The following CNTRL variants were observed in gnomAD, a reference collection of about 807,000 sequenced individuals.
CNTRL encodes the protein 110 kDa centrosomal protein.
Under a neutral mutation model 303.7 loss-of-function variants are expected in CNTRL, and 233 were observed. The ratio of observed to expected loss-of-function variants is 0.77; its 90% CI spans 0.69 to 0.86. The LOEUF (loss-of-function observed/expected upper bound fraction) is 0.86, where lower values mean the gene tolerates loss of function less well. Ranked by LOEUF, CNTRL falls within the 40% of genes least tolerant of loss-of-function variation. The pLI is 0.00. For synonymous variants in CNTRL, 900 were observed against 922.2 expected (o/e 0.98, Z 0.44); for missense variants, 2,524 against 2,650.6 (o/e 0.95, Z 1.05).
intron 1 of CNTRL, among the ~76,000 whole-genome samples, chr9:121,076,617 A>G (rs1199087984): frequency 6.6e-6 from 1 of 152,144 alleles, no homozygotes; most frequent in Non-Finnish European, 1.5e-5. Context: ...AAAGAACCAT[A>G]GAGAAATGGG....
At chr9:121,090,631 C>T (rs1041505569) in intron 4 of CNTRL, among the ~76,000 whole-genome samples, 1 of 152,204 alleles carries the variant, frequency 6.6e-6, no homozygotes, top group Non-Finnish European at 1.5e-5. Context: ...CAAAGTACAG[C>T]TTACAGGCCA....
chr9:121,086,739 C>T (rs974353367), intron 2 of CNTRL, among the ~76,000 whole-genome samples: 3 of 148,116 alleles, frequency 2.0e-5, no homozygotes, highest in Non-Finnish European at 4.4e-5. Flanking sequence ...CTCCTGGGTT[C>T]AAGAGATTCT....
In CNTRL at chr9:121,146,108, A is replaced by T. The variant is rs2051837057; in HGVS notation, c.3311A>T (p.Asp1104Val). The stretch of plus-strand genomic sequence containing the variant: ...TTCATAGAATGACTTTTCTTTACAG[A>T]CAACAAAGGAGGCTTTGAAAATGTT... ...LQNVLDLTGS[D>V]NKGGFENVLE... is the part of the protein sequence containing the mutation. Residue 1104 changes from aspartate to valine, a missense_variant and splice_region_variant, in exon 23 of 44, where the codon GAC (aspartate) becomes GTC (valine). Physicochemically the swap from Asp to Val is radical, Grantham distance 152 (BLOSUM62 -3). Transcript: ENST00000373855. 6.3e-7 allele frequency: 1 copy of T among 1,595,056 alleles called. No homozygotes were observed. Among genetic ancestry groups the T allele is most frequent in the African/African-American group, 1.4e-5 (1 of 73,780 alleles).
Position 121,175,210 on chromosome 9 carries a change from C to T in CNTRL, c.6940C>T (p.Leu2314Phe). 1.2e-6 allele frequency: 2 copies of T among 1,614,028 alleles called. No homozygotes were observed. The highest frequency in any genetic ancestry group is 1.7e-6 in the Non-Finnish European group (2 of 1,179,966). Residue 2314 changes from leucine (L) to phenylalanine (F), a missense_variant, in exon 43 of 44, where the codon CTT becomes TTT. Transcript: ENST00000373855. Reference protein sequence around the residue: ...LESSLTEDSQLGQNQEKNASA... With the variant: ...LESSLTEDSQFGQNQEKNASA... ...GTCTTCCCTCACAGAGGACTCTCAA[C>T]TTGGACAAAATCAGGTAAGCAGCAG...
chr9:121,166,356 TA>T (rs758284250), intron 36 of CNTRL, among the ~76,000 whole-genome samples, 176 bp downstream of exon 36: 1 of 152,222 alleles, frequency 6.6e-6, no homozygotes, highest in African/African-American at 2.4e-5. Flanking sequence ...AGTGGTTTGC[TA>T]ATTTATTTTA....
chr9:121,159,091 T>TTGGGGAGAA, intron 31 of CNTRL, 72 bp downstream of exon 31: 1 of 1,384,760 alleles, frequency 7.2e-7, no homozygotes, highest in Non-Finnish European at 9.9e-7. Flanking sequence ...GTATTTTCAT[T>TTGGGGAGAA]GCTTCTCCCC....
intron 2 of CNTRL, 25 bp from the exon 3 acceptor site, chr9:121,088,271 T>C: frequency 9.4e-7 from 1 of 1,064,112 alleles, no homozygotes; most frequent in Non-Finnish European, 1.4e-6. Context: ...ATTAATCTTG[T>C]TGAATATACT....
At chr9:121,144,768 T>A in intron 20 of CNTRL, 75 bp from the exon 21 acceptor site, 1 of 1,146,520 alleles carries the variant, frequency 8.7e-7, no homozygotes, top group South Asian at 1.2e-5. Context: ...AGCAGAAGAA[T>A]CAATCCAAGA....
intron 26 of CNTRL, 100 bp downstream of exon 26, chr9:121,152,793 G>C: frequency 1.1e-6 from 1 of 916,526 alleles, no homozygotes; most frequent in Non-Finnish European, 1.7e-6. Context: ...TTGATCTTCT[G>C]TCCAAAACAG....
At chr9:121,167,021 CA>C (rs35451255) in intron 36 of CNTRL, among the ~76,000 whole-genome samples, 56 of 141,570 alleles carry the variant, frequency 4.0e-4, no homozygotes, top group Non-Finnish European at 4.8e-4. Flanking sequence ...AGCTCTGTCT[CA>C]AAAAAAAAAA....
chr9:121,136,965 C>A (rs918916282), intron 15 of CNTRL, among the ~76,000 whole-genome samples: 2 of 152,042 alleles, frequency 1.3e-5, no homozygotes, highest in Non-Finnish European at 2.9e-5. Context: ...GATTTGGCCA[C>A]GCAGAGGGGA....
intron 41 of CNTRL, 28 bp from the exon 42 acceptor site, chr9:121,173,647 T>C (rs1302093214): frequency 6.2e-7 from 1 of 1,613,262 alleles, no homozygotes; most frequent in African/African-American, 1.3e-5. Flanking sequence ...AGATGATTCA[T>C]GATATCTCTA....
At chr9:121,087,473 C>G (rs2048389623) in intron 2 of CNTRL, among the ~76,000 whole-genome samples, 1 of 152,084 alleles carries the variant, frequency 6.6e-6, no homozygotes, top group African/African-American at 2.4e-5. Flanking sequence ...CGTGGATCAC[C>G]TGAGGTCAGG....
intron 14 of CNTRL, among the ~76,000 whole-genome samples, chr9:121,130,115 C>G (rs751294104): frequency 1.3e-5 from 2 of 152,112 alleles, no homozygotes; most frequent in Non-Finnish European, 2.9e-5. Flanking sequence ...TGTGTCTCTG[C>G]CAGGCTTTGG....
intron 31 of CNTRL, 147 bp downstream of exon 31, chr9:121,159,166 T>C: frequency 1.3e-6 from 1 of 765,742 alleles, no homozygotes; most frequent in Middle Eastern, 3.8e-4. Context: ...TTGTTACATA[T>C]CCATGCAGTG....
intron 4 of CNTRL, among the ~76,000 whole-genome samples, chr9:121,094,314 C>CAT (rs1489729950): frequency 6.6e-6 from 1 of 152,008 alleles, no homozygotes; most frequent in Non-Finnish European, 1.5e-5. Context: ...TGCGTCATGA[C>CAT]ATGGTAGAAG....
chr9:121,099,430 T>TA (rs1391899029), intron 7 of CNTRL, among the ~76,000 whole-genome samples: 1 of 152,058 alleles, frequency 6.6e-6, no homozygotes, highest in Non-Finnish European at 1.5e-5. Flanking sequence ...CAAAGGTAGA[T>TA]AAAACCACAA....
intron 8 of CNTRL, among the ~76,000 whole-genome samples, chr9:121,110,743 T>A (rs2049710914): frequency 6.6e-6 from 1 of 152,072 alleles, no homozygotes; most frequent in Non-Finnish European, 1.5e-5. Flanking sequence ...CAAATTTGAA[T>A]GTGGGGGAAA....
At chr9:121,075,196 G>A in intron 1 of CNTRL, 129 bp downstream of exon 1, 1 of 337,448 alleles carries the variant, frequency 3.0e-6, no homozygotes, top group Non-Finnish European at 5.8e-6. Flanking sequence ...GGGCGGGGGC[G>A]CGTGTCTGGG....
Sources: allele counts gnomAD v4.1 joint callset (sites outside exome capture counted in the v4.1 genomes callset), GRCh38; gene constraint gnomAD v4.1.1; transcripts MANE v1.5; gene names NCBI Gene and HGNC (gene_info 2026-07-23, HGNC 2026-07-21).